The following FBN2 variants were observed in gnomAD, a reference collection of about 807,000 sequenced individuals.
FBN2 encodes fibrillin-2.
Under a neutral mutation model 355.6 loss-of-function variants are expected in FBN2, and 105 were observed. That is an observed-to-expected ratio of 0.30 (90% CI 0.25 to 0.35). The LOEUF is 0.35. Among genes scored for constraint, FBN2 ranks in the 10% least tolerant of loss-of-function variants. The probability of loss-of-function intolerance (pLI) is 1.00; values close to 1 mark genes in which losing one functional copy is unlikely to be tolerated. For missense variants in FBN2, 3,280 were observed against 3,758.7 expected (o/e 0.87, Z 3.33); for synonymous variants, 1,350 against 1,301.2 (o/e 1.04, Z -0.81).
intron 8 of FBN2, among the ~76,000 whole-genome samples, chr5:128,402,954 C>T (rs372763657): frequency 1.4e-4 from 22 of 152,308 alleles, no homozygotes; most frequent in South Asian, 4.2e-4. Flanking sequence ...TAGTGAATGA[C>T]GGGCTTCTTC....
intron 32 of FBN2, among the ~76,000 whole-genome samples, chr5:128,331,599 T>C (rs973787896): frequency 6.6e-6 from 1 of 152,130 alleles, no homozygotes; most frequent in African/African-American, 2.4e-5. Flanking sequence ...CTCCTGCTGC[T>C]ACGTGGAGAA....
At chr5:128,326,802 CAGTT>C (rs1432018286) in intron 34 of FBN2, among the ~76,000 whole-genome samples, 4 of 151,982 alleles carry the variant, frequency 2.6e-5, no homozygotes, top group Non-Finnish European at 4.4e-5. Context: ...GCTTCCCTGT[CAGTT>C]AGGAGTTTCT....
chr5:128,275,193 G>T (rs1765359910), intron 59 of FBN2, among the ~76,000 whole-genome samples: 1 of 151,990 alleles, frequency 6.6e-6, no homozygotes, highest in Admixed American at 6.5e-5. Flanking sequence ...ATTGATATTT[G>T]GACCCTACTA....
In FBN2 at chr5:128,519,652, G is replaced by A. The variant is rs138803815; in HGVS notation, c.533-284C>T. 6.1e-3 allele frequency among the ~76,000 whole-genome samples: 921 copies of A among 151,368 alleles called. 9 individuals carry two copies. Among genetic ancestry groups the A allele is most frequent in the African/African-American group, 0.02 (839 of 41,264 alleles). On this transcript the variant is annotated intron_variant, in intron 4 of 64. Transcript: ENST00000262464. Reference sequence around the variant, plus strand: ...TTTTTTTTTAATCAGAATCATATTCGCTGGCTCTCATGCTCATTTAGAATG... The same window carrying A: ...TTTTTTTTTAATCAGAATCATATTCACTGGCTCTCATGCTCATTTAGAATG...
chr5:128,286,599 C>G, intron 55 of FBN2, 119 bp downstream of exon 55: 1 of 1,199,112 alleles, frequency 8.3e-7, no homozygotes, highest in Non-Finnish European at 1.2e-6. Context: ...AGCTGTATCA[C>G]TGCCTTAACA....
At chr5:128,262,347 C>T (rs1479884870) in intron 63 of FBN2, among the ~76,000 whole-genome samples, 1 of 152,214 alleles carries the variant, frequency 6.6e-6, no homozygotes, top group Non-Finnish European at 1.5e-5. Context: ...GGATGAGCCA[C>T]AATCCCCTAT....
intron 5 of FBN2, among the ~76,000 whole-genome samples, chr5:128,517,407 G>C (rs144952201): frequency 8.5e-5 from 13 of 152,272 alleles, no homozygotes; most frequent in African/African-American, 2.4e-4. Flanking sequence ...TCTAAGAAAT[G>C]TGTGTTATTC....
intron 4 of FBN2, among the ~76,000 whole-genome samples, chr5:128,527,591 T>C (rs1756594722): frequency 1.3e-5 from 2 of 151,952 alleles, no homozygotes; most frequent in South Asian, 2.1e-4. Flanking sequence ...AAAGGAAAAA[T>C]AAATCACAGA....
intron 25 of FBN2, 132 bp downstream of exon 25, chr5:128,344,253 A>G: frequency 2.1e-6 from 2 of 967,028 alleles, no homozygotes; most frequent in Non-Finnish European, 3.2e-6. Context: ...CTTTTCTCTA[A>G]AAAGAAATTA....
At chr5:128,270,629 A>G (rs1326116496) in intron 62 of FBN2, among the ~76,000 whole-genome samples, 1 of 152,266 alleles carries the variant, frequency 6.6e-6, no homozygotes, top group African/African-American at 2.4e-5. Context: ...AGAAATTGCA[A>G]CAAAAGCCAA....
At chr5:128,535,251 T>G (rs1307419013) in intron 2 of FBN2, among the ~76,000 whole-genome samples, 2 of 152,228 alleles carry the variant, frequency 1.3e-5, no homozygotes, top group African/African-American at 4.8e-5. Flanking sequence ...AAATTAGTCT[T>G]TATGACACTG....
At chr5:128,431,543 G>T (rs552617520) in intron 7 of FBN2, among the ~76,000 whole-genome samples, 2 of 152,022 alleles carry the variant, frequency 1.3e-5, no homozygotes, top group African/African-American at 4.8e-5. Flanking sequence ...TTCCCTCTTC[G>T]CAATTACACA....
At chr5:128,449,597 A>C (rs535471751) in intron 6 of FBN2, among the ~76,000 whole-genome samples, 4 of 151,532 alleles carry the variant, frequency 2.6e-5, no homozygotes, top group Non-Finnish European at 5.9e-5. Flanking sequence ...CTGCAATACA[A>C]GAATATACAC....
At chr5:128,505,121 G>A (rs1321936962) in intron 5 of FBN2, among the ~76,000 whole-genome samples, 1 of 152,110 alleles carries the variant, frequency 6.6e-6, no homozygotes, top group Non-Finnish European at 1.5e-5. Flanking sequence ...AGGCCTCCCA[G>A]CCATGTGGAA....
rs754724355 is a variant in FBN2 at position 128,288,526 on chromosome 5, A to G, written c.6669T>C (p.Cys2223=). Reference sequence around the variant, plus strand: ...TAACATTGGTGCATGTACCATTTCCACACGGATTGCCGATTGAACACTCAT... The same window carrying G: ...TAACATTGGTGCATGTACCATTTCCGCACGGATTGCCGATTGAACACTCAT... ...DTDECSIGNP[C]GNGTCTNVIG... The change falls in exon 53 of 65, where the codon TGT becomes TGC. Residue 2223 remains cysteine, a synonymous_variant. Transcript: ENST00000262464. 9 of 1,613,772 alleles carry G rather than the reference A, an allele frequency of 5.6e-6. No homozygotes were observed. Among genetic ancestry groups the G allele is most frequent in the Non-Finnish European group, 7.6e-6 (9 of 1,179,898 alleles).
At chr5:128,529,976 A>T (rs1756660413) in intron 3 of FBN2, among the ~76,000 whole-genome samples, 1 of 152,302 alleles carries the variant, frequency 6.6e-6, no homozygotes, top group Non-Finnish European at 1.5e-5. Context: ...TTAAAAATAT[A>T]ATGACTTCAC....
At chr5:128,424,120 T>A (rs1378502813) in intron 7 of FBN2, among the ~76,000 whole-genome samples, 1 of 152,066 alleles carries the variant, frequency 6.6e-6, no homozygotes, top group Non-Finnish European at 1.5e-5. Flanking sequence ...AATTGTGGGA[T>A]GTTTAAAGTA....
At chr5:128,271,307 G>A (rs1244929855) in intron 62 of FBN2, among the ~76,000 whole-genome samples, 1 of 152,194 alleles carries the variant, frequency 6.6e-6, no homozygotes, top group Non-Finnish European at 1.5e-5. Context: ...TGGTTGGAGT[G>A]TCTGTGAAGC....
chr5:128,289,762 A>G (rs1290808189), intron 51 of FBN2, 120 bp downstream of exon 51: 1 of 670,438 alleles, frequency 1.5e-6, no homozygotes, highest in Non-Finnish European at 2.7e-6. Flanking sequence ...GGTTATATAC[A>G]TCCATTAAAT....
Sources: gnomAD v4.1 joint callset for allele counts (sites outside exome capture counted in the v4.1 genomes callset) on GRCh38, gnomAD v4.1.1 for gene constraint, MANE v1.5 for transcripts, NCBI Gene and HGNC (gene_info 2026-07-23, HGNC 2026-07-21) for gene names.